SMAP1: variants seen among roughly 807,000 people sequenced by gnomAD.
The protein encoded by SMAP1 is stromal membrane-associated protein 1.
Under a neutral mutation model 58.5 loss-of-function variants are expected in SMAP1, and 24 were observed. That is an observed-to-expected ratio of 0.41 (90% CI 0.30 to 0.58). The LOEUF is 0.58. Ranked by LOEUF, SMAP1 falls within the 20% of genes least tolerant of loss-of-function variation. The pLI is 0.29. For synonymous variants in SMAP1, 216 were observed against 196.6 expected (o/e 1.10, Z -0.82); for missense variants, 563 against 566.3 (o/e 0.99, Z 0.06).
chr6:70,733,525 A>C (rs1765507055), intron 2 of SMAP1, among the ~76,000 whole-genome samples: 1 of 152,160 alleles, frequency 6.6e-6, no homozygotes, highest in South Asian at 2.1e-4. Context: ...ATGGTAACAG[A>C]TGTCATGATG....
At chr6:70,689,317 A>G (rs955838725) in intron 1 of SMAP1, among the ~76,000 whole-genome samples, 2 of 152,144 alleles carry the variant, frequency 1.3e-5, no homozygotes, top group African/African-American at 4.8e-5. Flanking sequence ...CCTGAGAACC[A>G]TTTCTTGAAA....
rs553608086 is a variant in SMAP1 at position 70,802,709 on chromosome 6, G to C, written c.576+3972G>C. On this transcript the variant is annotated intron_variant, in intron 6 of 10. Coordinates refer to ENST00000370455, the MANE Select transcript of SMAP1 (RefSeq NM_001044305.3). ...ATATCTAGTTTATTGAGAGTTTTTAGCATGAAGGGCTGTTGAATTTTGTTG... is the reference window on the plus strand; with the variant it reads ...ATATCTAGTTTATTGAGAGTTTTTACCATGAAGGGCTGTTGAATTTTGTTG... Among the ~76,000 whole-genome samples, 4 of 152,296 alleles carry C rather than the reference G, an allele frequency of 2.6e-5. No homozygotes were observed. In the South Asian group the frequency reaches 8.3e-4, roughly 32 times the overall value.
intron 7 of SMAP1, among the ~76,000 whole-genome samples, chr6:70,839,123 G>T (rs1479177181): frequency 1.3e-5 from 2 of 152,132 alleles, no homozygotes; most frequent in Non-Finnish European, 2.9e-5. Flanking sequence ...TAAGCCTCAG[G>T]TTTCAACAGC....
intron 1 of SMAP1, among the ~76,000 whole-genome samples, chr6:70,714,471 A>G (rs1768182429): frequency 6.6e-6 from 1 of 152,002 alleles, no homozygotes; most frequent in Non-Finnish European, 1.5e-5. Flanking sequence ...TCCATGCAGG[A>G]GCACTCATTT....
intron 6 of SMAP1, among the ~76,000 whole-genome samples, chr6:70,817,382 TTCTGA>T (rs1176587101): frequency 6.6e-6 from 1 of 152,160 alleles, no homozygotes; most frequent in Non-Finnish European, 1.5e-5. Context: ...TCTTTGATTC[TTCTGA>T]TCTTTGGAAA....
chr6:70,752,457 G>T (rs1195637410), intron 2 of SMAP1, among the ~76,000 whole-genome samples: 1 of 152,166 alleles, frequency 6.6e-6, no homozygotes, highest in East Asian at 1.9e-4. Context: ...GGATAATAAT[G>T]CCTGTCTCAT....
intron 1 of SMAP1, among the ~76,000 whole-genome samples, chr6:70,722,819 C>G (rs1259711255): frequency 6.6e-6 from 1 of 152,236 alleles, no homozygotes; most frequent in Admixed American, 6.5e-5. Context: ...AGCGGTTTTC[C>G]ACGCTGGGTG....
chr6:70,779,780 G>A (rs1272736346), intron 4 of SMAP1, among the ~76,000 whole-genome samples: 2 of 152,204 alleles, frequency 1.3e-5, no homozygotes, highest in African/African-American at 4.8e-5. Context: ...GATCCAGGTT[G>A]TGTGCTCCAT....
chr6:70,736,963 A>G (rs966951448), intron 2 of SMAP1, among the ~76,000 whole-genome samples: 9 of 152,294 alleles, frequency 5.9e-5, no homozygotes, highest in South Asian at 2.1e-4. Context: ...TTTTATTTTC[A>G]TTAAACTGGT....
In SMAP1 at chr6:70,710,661, A is replaced by T. The variant is rs142324007; in HGVS notation, c.119-21717A>T. On this transcript the variant is annotated intron_variant, in intron 1 of 10. Coordinates refer to ENST00000370455, the MANE Select transcript of SMAP1 (RefSeq NM_001044305.3). ...TAGGCTTTGTAAACACTGTACACTT[A>T]GGCTAGAATAAATTGATATTAAAAA... 8.8e-3 allele frequency among the ~76,000 whole-genome samples: 1,334 copies of T among 152,278 alleles called. 15 individuals are homozygous for T. Among genetic ancestry groups the T allele is most frequent in the Middle Eastern group, 0.075 (22 of 294 alleles).
intron 6 of SMAP1, among the ~76,000 whole-genome samples, chr6:70,819,377 G>A (rs1769788333): frequency 6.6e-6 from 1 of 150,856 alleles, no homozygotes; most frequent in South Asian, 2.1e-4. Context: ...CTTAATACAG[G>A]TATTTTAAAT....
chr6:70,715,465 C>G (rs1215754469), intron 1 of SMAP1, among the ~76,000 whole-genome samples: 4 of 152,120 alleles, frequency 2.6e-5, no homozygotes, highest in Non-Finnish European at 5.9e-5. Flanking sequence ...ATTTTCTTTC[C>G]CAGGCATGGG....
chr6:70,790,037 C>A (rs939033320), intron 4 of SMAP1, among the ~76,000 whole-genome samples: 16 of 152,154 alleles, frequency 1.1e-4, no homozygotes, highest in South Asian at 8.3e-4. Flanking sequence ...TACTCAATGC[C>A]CGTATTATCC....
intron 2 of SMAP1, 69 bp downstream of exon 2, chr6:70,732,580 G>T: frequency 7.7e-7 from 1 of 1,300,050 alleles, no homozygotes; most frequent in Non-Finnish European, 1.0e-6. Flanking sequence ...AACCCTTCTT[G>T]CATCTAAGGA....
At chr6:70,784,326 C>T (rs1466794054) in intron 4 of SMAP1, among the ~76,000 whole-genome samples, 6 of 152,112 alleles carry the variant, frequency 3.9e-5, no homozygotes, top group East Asian at 1.9e-4. Flanking sequence ...AAGGAACAAC[C>T]GGTACCAGCC....
At position 70,860,391 on chromosome 6, in the gene SMAP1, A is replaced by C; in HGVS notation, c.*57A>C. ...CACCTGACATTCCTTGCTGAAACGC[A>C]TCTAGTTCCCCTGTTTATTCATATG... On this transcript the variant is annotated 3_prime_UTR_variant, in exon 11 of 11. Transcript: ENST00000370455. The C allele has an allele frequency of 1.3e-6, 2 of 1,560,640 alleles. No homozygotes were observed. The highest frequency in any genetic ancestry group is 1.7e-6 in the Non-Finnish European group (2 of 1,155,670).
chr6:70,856,006 T>A (rs1284637000), intron 8 of SMAP1, among the ~76,000 whole-genome samples: 1 of 152,232 alleles, frequency 6.6e-6, no homozygotes, highest in Non-Finnish European at 1.5e-5. Flanking sequence ...CATTAAATGT[T>A]TGAATTTAAT....
chr6:70,829,380 C>T (rs567824513), intron 6 of SMAP1, among the ~76,000 whole-genome samples: 6 of 152,026 alleles, frequency 3.9e-5, no homozygotes, highest in South Asian at 2.1e-4. Flanking sequence ...CACACATAGC[C>T]GGAACTACTG....
chr6:70,860,009 T>G, intron 10 of SMAP1, 191 bp from the exon 11 acceptor site: 1 of 520,134 alleles, frequency 1.9e-6, no homozygotes, highest in South Asian at 4.7e-5. Context: ...GGAAACTGTA[T>G]CTAGAAAGTA....
Sources: gnomAD v4.1 joint callset for allele counts (sites outside exome capture counted in the v4.1 genomes callset) on GRCh38, gnomAD v4.1.1 for gene constraint, MANE v1.5 for transcripts, NCBI Gene and HGNC (gene_info 2026-07-23, HGNC 2026-07-21) for gene names.